Variants in DDX25 observed in about 807,000 individuals in gnomAD.
DDX25 encodes the protein DEAD-box helicase 25, also known as ATP-dependent RNA helicase DDX25.
Under a neutral mutation model 64.6 loss-of-function variants are expected in DDX25, and 70 were observed. The observed-to-expected ratio is 1.08, with a 90% confidence interval of 0.89 to 1.32. DDX25 has a LOEUF of 1.32. Among genes scored for constraint, DDX25 ranks in the 40% most tolerant of loss-of-function variants. The probability of loss-of-function intolerance (pLI) is 0.00; values close to 1 mark genes in which losing one functional copy is unlikely to be tolerated. For missense variants in DDX25, 587 were observed against 604.4 expected (o/e 0.97, Z 0.30); for synonymous variants, 211 against 213.3 (o/e 0.99, Z 0.09).
In DDX25 at chr11:125,918,726, C is replaced by G. The variant is rs765890676; in HGVS notation, c.1137C>G (p.Ser379=). The change falls in exon 10 of 12, where the codon TCC becomes TCG. Residue 379 remains serine, a synonymous_variant. Coordinates refer to ENST00000263576, the MANE Select transcript of DDX25 (RefSeq NM_013264.5). The part of the protein sequence containing the change: ...SGELTVEQRA[S]IIQRFRDGKE... ...AGCTGACCGTGGAGCAGCGAGCTTC[C>G]ATCATTCAGAGGTTTCGGGATGGGA... The G allele has an allele frequency of 7.9e-5, 128 of 1,612,892 alleles. No homozygotes were observed. The highest frequency in any genetic ancestry group is 1.0e-4 in the Non-Finnish European group (121 of 1,179,484).
chr11:125,904,729 G>C, intron 1 of DDX25, 149 bp downstream of exon 1: 1 of 959,934 alleles, frequency 1.0e-6, no homozygotes, highest in South Asian at 1.5e-5. Context: ...GTTTGGAAGA[G>C]GGCCACAGAG....
intron 7 of DDX25, 71 bp from the exon 8 acceptor site, chr11:125,911,240 C>A: frequency 1.5e-6 from 2 of 1,351,656 alleles, no homozygotes; most frequent in Non-Finnish European, 9.7e-7. Context: ...CTTTATATTG[C>A]ACTGCCCTGA....
chr11:125,905,168 G>T, intron 1 of DDX25, 44 bp from the exon 2 acceptor site: 2 of 1,538,532 alleles, frequency 1.3e-6, no homozygotes, highest in South Asian at 2.4e-5. Flanking sequence ...GGCTGCTTGA[G>T]GGCTTGCATC....
At chr11:125,911,877 C>T (rs1197793649) in intron 8 of DDX25, among the ~76,000 whole-genome samples, 1 of 152,192 alleles carries the variant, frequency 6.6e-6, no homozygotes, top group Non-Finnish European at 1.5e-5. Flanking sequence ...GATCAGGAGA[C>T]TGGTAATCTA....
At chr11:125,904,731 GC>G (rs2134270703) in intron 1 of DDX25, 151 bp downstream of exon 1, 1 of 960,620 alleles carries the variant, frequency 1.0e-6, no homozygotes, top group Non-Finnish European at 1.6e-6. Context: ...TTGGAAGAGG[GC>G]CACAGAGGGA....
chr11:125,910,050 C>T (rs1286746797), intron 6 of DDX25, among the ~76,000 whole-genome samples: 4 of 152,058 alleles, frequency 2.6e-5, no homozygotes, highest in Non-Finnish European at 5.9e-5. Context: ...TTCCCTACAT[C>T]CCATTCTTCC....
chr11:125,912,010 GTT>G (rs755869802), intron 8 of DDX25, among the ~76,000 whole-genome samples: 1 of 152,216 alleles, frequency 6.6e-6, no homozygotes, highest in African/African-American at 2.4e-5. Context: ...CTGAATGAGA[GTT>G]TCTGTAAGTG....
chr11:125,927,915 T>C lies in DDX25; in HGVS notation c.*5034T>C, dbSNP rs941101701. On this transcript the variant is annotated 3_prime_UTR_variant, in exon 12 of 12. Transcript: ENST00000263576. ...CTAAGATACCATGTTTCCATGACCCTACACACAATAGCTACACAGGTGGAG... is the reference window on the plus strand; with the variant it reads ...CTAAGATACCATGTTTCCATGACCCCACACACAATAGCTACACAGGTGGAG... The C allele has an allele frequency of 6.6e-6, 1 of 152,202 alleles. No homozygotes were observed. Among genetic ancestry groups the C allele is most frequent in the African/African-American group, 2.4e-5 (1 of 41,454 alleles). The allele number at this position is 152,202 out of a possible 1,614,324, so 9.4% of individuals were successfully genotyped here.
At chr11:125,908,640 G>C in intron 6 of DDX25, 137 bp downstream of exon 6, 1 of 946,800 alleles carries the variant, frequency 1.1e-6, no homozygotes, top group Non-Finnish European at 1.6e-6. Context: ...TAAAATCATA[G>C]AGCATTGGGT....
intron 4 of DDX25, among the ~76,000 whole-genome samples, chr11:125,907,468 T>C (rs2471478): frequency 0.97 from 147,431 of 151,532 alleles, 71,738 homozygotes; most frequent in East Asian, 1. Context: ...ATTAGCCAGG[T>C]GTGGTGGCGG....
Position 125,910,387 on chromosome 11 carries a change from T to G in DDX25, c.531T>G (p.Tyr177Ter), listed in dbSNP as rs752314091. ...FPQCLCLAPT[Y>*]ELALQTGRVV... ...AGTGCCTCTGCCTAGCTCCTACTTA[T>G]GAATTGGCTCTGCAAACTGGCCGTG... The change falls in exon 7 of 12, where the codon TAT (tyrosine) becomes TAG (stop). Residue 177 changes from tyrosine (Y) to a stop codon, truncating the protein, a stop_gained. Coordinates refer to ENST00000263576, the MANE Select transcript of DDX25 (RefSeq NM_013264.5). LOFTEE classifies it high-confidence loss of function. 2.5e-6 allele frequency: 4 copies of G among 1,613,986 alleles called. No individual in the cohort carries two copies. The highest frequency in any genetic ancestry group is 3.4e-6 in the Non-Finnish European group (4 of 1,179,874).
At chr11:125,908,997 G>A (rs565836487) in intron 6 of DDX25, among the ~76,000 whole-genome samples, 77 of 152,358 alleles carry the variant, frequency 5.1e-4, no homozygotes, top group African/African-American at 1.8e-3. Context: ...AGGTCAGGTA[G>A]TCCACCTCAC....
At chr11:125,916,741 A>G (rs1945042910) in intron 8 of DDX25, among the ~76,000 whole-genome samples, 1 of 152,176 alleles carries the variant, frequency 6.6e-6, no homozygotes, top group African/African-American at 2.4e-5. Flanking sequence ...TGCCTCTCCT[A>G]AGGAGGAAGT....
In DDX25 at chr11:125,925,426, G is replaced by A. The variant is rs1295115971; in HGVS notation, c.*2545G>A. The stretch of plus-strand genomic sequence containing the variant: ...TAACACGAACTGGCTAGTTTGGTGA[G>A]TCAACAATCCAAAGGCTGTTTTTTG... On this transcript the variant is annotated 3_prime_UTR_variant, in exon 12 of 12. Transcript: ENST00000263576. 3 of 456,148 alleles carry A rather than the reference G, an allele frequency of 6.6e-6. No homozygotes were observed. Among genetic ancestry groups the A allele is most frequent in the Non-Finnish European group, 1.3e-5 (3 of 226,974 alleles). 28.3% of individuals were successfully genotyped at this position (456,148 alleles called of 1,614,324 possible). A position where few individuals can be genotyped will look rare whatever the true frequency, so the allele number is the denominator to read the frequency against.
rs761871174 is a variant in DDX25, at chr11:125,905,280, T to G, written c.130+2T>G. 2 of 1,551,606 alleles carry G rather than the reference T, an allele frequency of 1.3e-6. No homozygotes were observed. Among genetic ancestry groups the G allele is most frequent in the Non-Finnish European group, 1.7e-6 (2 of 1,146,958 alleles). On this transcript the variant is annotated splice_donor_variant, in intron 2 of 11. Coordinates refer to ENST00000263576, the MANE Select transcript of DDX25 (RefSeq NM_013264.5). LOFTEE classifies it high-confidence loss of function. ...AGAGTACTGCAGTCCGAAACATAGG[T>G]GAGTGCTGTTAGGGCAAAGCAGAGC...
chr11:125,913,071 T>C (rs1159100417), intron 8 of DDX25, among the ~76,000 whole-genome samples: 2 of 147,032 alleles, frequency 1.4e-5, no homozygotes, highest in East Asian at 2.0e-4. Flanking sequence ...GGCAGGAGAA[T>C]GGCGTGAACC....
chr11:125,904,512 G>A lies in DDX25; in HGVS notation c.-6G>A, dbSNP rs1389158655. The A allele has an allele frequency of 6.7e-7, 1 of 1,485,532 alleles. No homozygotes were observed. Among genetic ancestry groups the A allele is most frequent in the Non-Finnish European group, 8.9e-7 (1 of 1,117,472 alleles). 92.0% of individuals were successfully genotyped at this position (1,485,532 alleles called of 1,614,324 possible). A position where few individuals can be genotyped will look rare whatever the true frequency, so the allele number is the denominator to read the frequency against. On this transcript the variant is annotated 5_prime_UTR_variant, in exon 1 of 12. Transcript: ENST00000263576. ...CGTGCTGGGGGCGGGAGCAGCAATC[G>A]CAGCCATGGCGTCGTTACTGTGGGG...
chr11:125,904,943 G>T (rs1944861490), intron 1 of DDX25, among the ~76,000 whole-genome samples: 1 of 152,084 alleles, frequency 6.6e-6, no homozygotes, highest in African/African-American at 2.4e-5. Flanking sequence ...CCCCTTGTTG[G>T]TGCCGTGAGC....
intron 4 of DDX25, among the ~76,000 whole-genome samples, chr11:125,907,066 G>T (rs1591514851): frequency 6.6e-6 from 1 of 152,144 alleles, no homozygotes; most frequent in Non-Finnish European, 1.5e-5. Flanking sequence ...ATTATATTTT[G>T]TTTCAAATGA....
Sources: allele counts gnomAD v4.1 joint callset (sites outside exome capture counted in the v4.1 genomes callset), GRCh38; gene constraint gnomAD v4.1.1; transcripts MANE v1.5; gene names NCBI Gene and HGNC (gene_info 2026-07-23, HGNC 2026-07-21).